ZDHHC20: variants seen among roughly 807,000 people sequenced by gnomAD.
The protein encoded by ZDHHC20 is palmitoyltransferase ZDHHC20.
In ZDHHC20, 43 loss-of-function variants were observed where a neutral mutation model predicts 57.8. That is an observed-to-expected ratio of 0.74 (90% confidence interval 0.58 to 0.96). ZDHHC20 has a LOEUF of 0.96. Among genes scored for constraint, ZDHHC20 ranks in the 40% least tolerant of loss-of-function variants. The pLI is 0.00. For synonymous variants in ZDHHC20, 157 were observed against 153.0 expected (o/e 1.03, Z -0.19); for missense variants, 391 against 441.1 (o/e 0.89, Z 1.02).
Position 21,387,528 on chromosome 13 carries a change from C to A in ZDHHC20, c.834G>T (p.Trp278Cys). The change falls in exon 9 of 13, where the codon TGG becomes TGT. Residue 278 changes from tryptophan (W) to cysteine (C), a missense_variant. Physicochemically the swap from Trp to Cys is radical, Grantham distance 215. This residue lies in a region of ZDHHC20 where 197 missense variants were observed against 220.8 expected (regional missense o/e 0.89). Coordinates refer to ENST00000400590, the MANE Select transcript of ZDHHC20 (RefSeq NM_001330059.2). ...ATTACCTTGAAAATATTGGAAGTAG[C>A]CAATATTTCTTTTCATCACCAAAGA... ...RQVFGDEKKY[W>C]LLPIFSSLGD... 1.3e-6 allele frequency: 2 copies of A among 1,533,060 alleles called. No individual in the cohort carries two copies. The highest frequency in any genetic ancestry group is 1.8e-6 in the Non-Finnish European group (2 of 1,137,820). 95.0% of individuals were successfully genotyped at this position (1,533,060 alleles called of 1,614,324 possible).
rs1555257180 is a variant in ZDHHC20 at position 21,396,842 on chromosome 13, A to AAGAAAG, written c.594+3530_594+3531insCTTTCT. 6.9e-3 allele frequency among the ~76,000 whole-genome samples: 1,022 copies of AAGAAAG among 148,156 alleles called. 17 individuals carry two copies. The highest frequency in any genetic ancestry group is 0.024 in the African/African-American group (938 of 39,914). On this transcript the variant is annotated intron_variant, in intron 7 of 12. Coordinates refer to ENST00000400590, the MANE Select transcript of ZDHHC20 (RefSeq NM_001330059.2). ...AGTGAGACTCTGTCTCAAAAAAAAA[A>AAGAAAG]AAAGAAAGAAAGAAAACTCAGAAAA...
chr13:21,440,037 A>G (rs1227441357), intron 1 of ZDHHC20, among the ~76,000 whole-genome samples: 1 of 143,000 alleles, frequency 7.0e-6, no homozygotes, highest in African/African-American at 2.6e-5. Context: ...ATGGCACTCC[A>G]GCCTGGGCGA....
At chr13:21,402,572 A>T (rs1171539391) in intron 5 of ZDHHC20, among the ~76,000 whole-genome samples, 4 of 152,246 alleles carry the variant, frequency 2.6e-5, no homozygotes, top group Non-Finnish European at 5.9e-5. Flanking sequence ...ATAAAGTCCA[A>T]GAAAATTCTA....
At chr13:21,448,344 A>G (rs1593283386) in intron 1 of ZDHHC20, among the ~76,000 whole-genome samples, 2 of 100,792 alleles carry the variant, frequency 2.0e-5, no homozygotes, top group Non-Finnish European at 2.2e-5. Flanking sequence ...CCGCCCGGCC[A>G]GCCGCCCCGT....
At chr13:21,402,994 ACAATAC>A in intron 4 of ZDHHC20, 128 bp from the exon 5 acceptor site, 1 of 659,842 alleles carries the variant, frequency 1.5e-6, no homozygotes, top group Non-Finnish European at 2.6e-6. Flanking sequence ...AACAATACCA[ACAATAC>A]CAAAATGTAT....
chr13:21,381,327 T>G, intron 11 of ZDHHC20, 107 bp downstream of exon 11: 1 of 942,400 alleles, frequency 1.1e-6, no homozygotes, highest in Non-Finnish European at 1.6e-6. Flanking sequence ...GTTTCACATA[T>G]TTTAGTATTT....
At chr13:21,448,236 T>C (rs1414084588) in intron 1 of ZDHHC20, among the ~76,000 whole-genome samples, 1 of 41,548 alleles carries the variant, frequency 2.4e-5, no homozygotes, top group African/African-American at 8.2e-5. Context: ...ATCCGGGAGG[T>C]GAGGGGCGCC....
chr13:21,458,427 T>C (rs1015124642), intron 1 of ZDHHC20, among the ~76,000 whole-genome samples: 28 of 152,230 alleles, frequency 1.8e-4, no homozygotes, highest in African/African-American at 6.5e-4. Context: ...CTTAACCTTC[T>C]GCAAAAGCCG....
intron 4 of ZDHHC20, among the ~76,000 whole-genome samples, chr13:21,410,079 CT>C (rs1469396514): frequency 1.3e-5 from 2 of 152,056 alleles, no homozygotes; most frequent in Non-Finnish European, 2.9e-5. Flanking sequence ...TGTGGTCATC[CT>C]TTCTGTTGAT....
At position 21,389,771 on chromosome 13, in the gene ZDHHC20, C is replaced by G. The variant is rs78927818; in HGVS notation, c.727+1951G>C. On this transcript the variant is annotated intron_variant, in intron 8 of 12. Transcript: ENST00000400590. Reference sequence around the variant, plus strand: ...CCACTGCTTAGCTCCATTTCACTGACGCCAAGTGGGAAAACGGGCCTACTA... The same window carrying G: ...CCACTGCTTAGCTCCATTTCACTGAGGCCAAGTGGGAAAACGGGCCTACTA... Among the ~76,000 whole-genome samples the G allele has an allele frequency of 1.6e-3, 238 of 152,222 alleles. 8 individuals are homozygous for G. In the East Asian group the frequency reaches 0.04, roughly 26 times the overall value.
intron 10 of ZDHHC20, 34 bp from the exon 11 acceptor site, chr13:21,381,583 T>C: frequency 7.0e-7 from 1 of 1,423,016 alleles, no homozygotes; most frequent in Non-Finnish European, 9.9e-7. Flanking sequence ...AGTAAACAGC[T>C]TAATGCTCAA....
chr13:21,381,570 C>T (rs763858951), intron 10 of ZDHHC20, 21 bp from the exon 11 acceptor site: 1 of 1,521,158 alleles, frequency 6.6e-7, no homozygotes, highest in Admixed American at 1.7e-5. Context: ...GAGCAAACAA[C>T]TTAGTAAACA....
chr13:21,378,659 A>G lies in ZDHHC20; in HGVS notation c.*40+2T>C. 7.1e-7 allele frequency: 1 copy of G among 1,417,504 alleles called. No individual in the cohort carries two copies. Among genetic ancestry groups the G allele is most frequent in the Non-Finnish European group, 9.3e-7 (1 of 1,071,382 alleles). 87.8% of individuals were successfully genotyped at this position (1,417,504 alleles called of 1,614,324 possible). The stretch of plus-strand genomic sequence containing the variant: ...TCAAGGATTACCTTTATACTGTCTT[A>G]CCTTGCTCTTATTCAAATGGTTAGT... On this transcript the variant is annotated splice_donor_variant, in intron 12 of 12. Coordinates refer to ENST00000400590, the MANE Select transcript of ZDHHC20 (RefSeq NM_001330059.2). LOFTEE classifies it low-confidence loss of function (3UTR_SPLICE).
chr13:21,382,922 T>C lies in ZDHHC20; in HGVS notation c.942A>G (p.Arg314=), dbSNP rs982520120. 1.3e-6 allele frequency: 2 copies of C among 1,557,030 alleles called. No homozygotes were observed. Among genetic ancestry groups the C allele is most frequent in the Non-Finnish European group, 8.7e-7 (1 of 1,149,364 alleles). The part of the protein sequence containing the change: ...ASVTNQNEYA[R]SSGSNQPFPI... ...AAGCATAAGGACAATAAGCATACCT[T>C]CTGGCATACTCATTCTGGTTTGTAA... is the stretch of plus-strand genomic sequence containing the variant. Residue 314 remains arginine, a splice_region_variant and synonymous_variant, in exon 10 of 13, where the codon AGA becomes AGG. Coordinates refer to ENST00000400590, the MANE Select transcript of ZDHHC20 (RefSeq NM_001330059.2).
intron 1 of ZDHHC20, among the ~76,000 whole-genome samples, chr13:21,426,357 AAG>A (rs1397064493): frequency 6.6e-6 from 1 of 152,100 alleles, no homozygotes; most frequent in African/African-American, 2.4e-5. Flanking sequence ...TCTACTATCT[AAG>A]TCTCTTTATA....
intron 4 of ZDHHC20, among the ~76,000 whole-genome samples, chr13:21,412,422 G>C (rs1879335751): frequency 6.6e-6 from 1 of 152,100 alleles, no homozygotes; most frequent in South Asian, 2.1e-4. Flanking sequence ...AATGGGGTAA[G>C]GCACCACTGT....
chr13:21,389,444 C>G (rs1323167744), intron 8 of ZDHHC20, among the ~76,000 whole-genome samples: 4 of 152,154 alleles, frequency 2.6e-5, no homozygotes, highest in Admixed American at 2.6e-4. Flanking sequence ...TCAGAATATA[C>G]TGCATATAGT....
chr13:21,440,125 A>C (rs2138000136), intron 1 of ZDHHC20, among the ~76,000 whole-genome samples: 1 of 151,636 alleles, frequency 6.6e-6, no homozygotes, highest in South Asian at 2.1e-4. Flanking sequence ...TTAGGAAATA[A>C]AGGTAAACAT....
At chr13:21,438,294 A>T (rs1882763288) in intron 1 of ZDHHC20, among the ~76,000 whole-genome samples, 1 of 152,216 alleles carries the variant, frequency 6.6e-6, no homozygotes, top group Admixed American at 6.5e-5. Context: ...TCTGGAAAGG[A>T]TTCATCATTT....
Sources: allele counts gnomAD v4.1 joint callset (sites outside exome capture counted in the v4.1 genomes callset), GRCh38; gene constraint gnomAD v4.1.1; regional missense constraint gnomAD v4.1.1; transcripts MANE v1.5; gene names NCBI Gene and HGNC (gene_info 2026-07-23, HGNC 2026-07-21).